The following MVB12B variants were observed in gnomAD, a reference collection of about 807,000 sequenced individuals.
The protein encoded by MVB12B is multivesicular body subunit 12B.
In MVB12B, 16 loss-of-function variants were observed where a neutral mutation model predicts 41.6. That is an observed-to-expected ratio of 0.38 (90% CI 0.26 to 0.58). The LOEUF (loss-of-function observed/expected upper bound fraction) is 0.58, where lower values mean the gene tolerates loss of function less well. Ranked by LOEUF, MVB12B falls within the 20% of genes least tolerant of loss-of-function variation. The probability of loss-of-function intolerance (pLI) is 0.62; values close to 1 mark genes in which losing one functional copy is unlikely to be tolerated. For missense variants in MVB12B, 274 were observed against 380.2 expected, an observed-to-expected ratio of 0.72 and a Z score of 2.32; for synonymous variants, 133 against 139.7, an observed-to-expected ratio of 0.95 and a Z score of 0.34.
At chr9:126,397,691 C>T in intron 6 of MVB12B, 2 of 969,132 alleles carry the variant, frequency 2.1e-6, no homozygotes, top group Non-Finnish European at 2.5e-6. Context: ...AAGCCTCATC[C>T]ATCAGGGTTT....
chr9:126,374,963 G>GC (rs1830439079), intron 2 of MVB12B, among the ~76,000 whole-genome samples: 1 of 152,126 alleles, frequency 6.6e-6, no homozygotes, highest in Non-Finnish European at 1.5e-5. Flanking sequence ...AAATATAGCA[G>GC]CCCCTGCCCT....
intron 8 of MVB12B, among the ~76,000 whole-genome samples, chr9:126,481,910 C>T (rs754906329): frequency 1.1e-4 from 17 of 152,260 alleles, no homozygotes; most frequent in Non-Finnish European, 2.1e-4. Context: ...ATTGTCATAG[C>T]TGCATTCTGC....
chr9:126,483,667 C>T (rs1833573116), intron 8 of MVB12B, among the ~76,000 whole-genome samples: 1 of 152,170 alleles, frequency 6.6e-6, no homozygotes, highest in South Asian at 2.1e-4. Flanking sequence ...TGAAGCAGGC[C>T]AGCCACGGTC....
chr9:126,467,752 G>A (rs943317167), intron 7 of MVB12B, among the ~76,000 whole-genome samples: 4 of 152,296 alleles, frequency 2.6e-5, no homozygotes, highest in African/African-American at 9.6e-5. Context: ...CCCTTCTGCT[G>A]TGTTCCCATG....
chr9:126,360,887 A>G (rs982437054), intron 2 of MVB12B, among the ~76,000 whole-genome samples: 1 of 152,218 alleles, frequency 6.6e-6, no homozygotes, highest in Non-Finnish European at 1.5e-5. Flanking sequence ...ATATATTAGT[A>G]TAGCCACTAC....
At chr9:126,409,122 G>C (rs939026750) in intron 6 of MVB12B, among the ~76,000 whole-genome samples, 1 of 152,184 alleles carries the variant, frequency 6.6e-6, no homozygotes, top group East Asian at 1.9e-4. Flanking sequence ...TTGTGGGGGG[G>C]GGCTCAGTAA....
At position 126,503,250 on chromosome 9, in the gene MVB12B, TC is replaced by T. The variant is rs1833999412; in HGVS notation, c.950del (p.Pro317ArgfsTer63). 2 of 1,550,240 alleles carry T rather than the reference TC, an allele frequency of 1.3e-6. No homozygotes were observed. Among genetic ancestry groups the T allele is most frequent in the Non-Finnish European group, 1.7e-6 (2 of 1,146,836 alleles). On this transcript the variant is annotated frameshift_variant, in exon 10 of 10. Coordinates refer to ENST00000361171, the MANE Select transcript of MVB12B (RefSeq NM_033446.3). LOFTEE classifies it high-confidence loss of function. ...CCCAGCCCCACCAGGTGTCAGCAGA[TC>T]CCGCAGTCCTGAGGAGCCAGCGGCC... is the stretch of plus-strand genomic sequence containing the variant. ...LPPSPTRCQQIPQS is the reference protein window; with the variant it reads ...LPPSPTRCQQXPQS
chr9:126,380,945 A>G, intron 2 of MVB12B, 119 bp from the exon 3 acceptor site: 1 of 686,326 alleles, frequency 1.5e-6, no homozygotes, highest in African/African-American at 1.8e-5. Flanking sequence ...TGAGCTAATG[A>G]GATGCCGGGA....
chr9:126,362,810 T>TA (rs1483788543), intron 2 of MVB12B, among the ~76,000 whole-genome samples: 1 of 152,250 alleles, frequency 6.6e-6, no homozygotes, highest in Non-Finnish European at 1.5e-5. Flanking sequence ...TTGACCTTGC[T>TA]AATGTAAATG....
chr9:126,390,863 A>G (rs886383978), intron 4 of MVB12B, among the ~76,000 whole-genome samples: 1 of 151,956 alleles, frequency 6.6e-6, no homozygotes, highest in African/African-American at 2.4e-5. Flanking sequence ...GGGGCAGGAG[A>G]ATCACTTGAA....
At chr9:126,388,532 G>A (rs1056383850) in intron 4 of MVB12B, among the ~76,000 whole-genome samples, 11 of 152,142 alleles carry the variant, frequency 7.2e-5, no homozygotes, top group African/African-American at 1.7e-4. Context: ...TTATGTTTTC[G>A]TTTCTGTTGG....
At chr9:126,421,738 G>A (rs528173872) in intron 6 of MVB12B, 116 bp from the exon 7 acceptor site, 7 of 758,990 alleles carry the variant, frequency 9.2e-6, no homozygotes, top group East Asian at 5.0e-5. Context: ...CTGGCCAGAA[G>A]CACCTGCTCT....
At chr9:126,339,023 A>G (rs1424374026) in intron 1 of MVB12B, among the ~76,000 whole-genome samples, 2 of 152,164 alleles carry the variant, frequency 1.3e-5, no homozygotes, top group East Asian at 1.9e-4. Context: ...TTATTTTCAG[A>G]AGAATTAGGT....
chr9:126,477,898 G>A (rs953179422), intron 7 of MVB12B, among the ~76,000 whole-genome samples: 11 of 152,192 alleles, frequency 7.2e-5, no homozygotes, highest in African/African-American at 2.7e-4. Flanking sequence ...CGTGACAGGA[G>A]GCCTGGCTAC....
At chr9:126,497,770 T>C (rs773652708) in intron 9 of MVB12B, among the ~76,000 whole-genome samples, 3 of 152,204 alleles carry the variant, frequency 2.0e-5, no homozygotes, top group Non-Finnish European at 4.4e-5. Context: ...GCCTCTCCAA[T>C]GTCTCTAGAA....
chr9:126,400,630 G>A (rs1831241836), intron 6 of MVB12B, among the ~76,000 whole-genome samples: 3 of 152,234 alleles, frequency 2.0e-5, no homozygotes, highest in Admixed American at 6.5e-5. Flanking sequence ...GCACAGAGCA[G>A]TGGGCCTTGG....
At chr9:126,416,592 A>G (rs1831832940) in intron 6 of MVB12B, among the ~76,000 whole-genome samples, 1 of 152,152 alleles carries the variant, frequency 6.6e-6, no homozygotes, top group African/African-American at 2.4e-5. Flanking sequence ...GTCTCATTTT[A>G]TATACCCGAT....
At chr9:126,337,781 T>G (rs1174332395) in intron 1 of MVB12B, among the ~76,000 whole-genome samples, 1 of 152,188 alleles carries the variant, frequency 6.6e-6, no homozygotes, top group Non-Finnish European at 1.5e-5. Flanking sequence ...GAGGAGCTGT[T>G]GATACAACCT....
chr9:126,442,640 C>T (rs1179092872), intron 7 of MVB12B, among the ~76,000 whole-genome samples: 1 of 152,146 alleles, frequency 6.6e-6, no homozygotes, highest in Non-Finnish European at 1.5e-5. Flanking sequence ...GAACCCTGCT[C>T]CTTGTGTCTT....
Sources: gnomAD v4.1 joint callset for allele counts (sites outside exome capture counted in the v4.1 genomes callset) on GRCh38, gnomAD v4.1.1 for gene constraint, MANE v1.5 for transcripts, NCBI Gene and HGNC (gene_info 2026-07-23, HGNC 2026-07-21) for gene names.